The following AGBL4 variants were observed in gnomAD, a reference collection of about 807,000 sequenced individuals.
The protein encoded by AGBL4 is AGBL carboxypeptidase 4.
AGBL4 carries 58 observed loss-of-function variants against 66.4 expected under a neutral mutation model. The ratio of observed to expected loss-of-function variants is 0.87; its 90% CI spans 0.71 to 1.09. The LOEUF is 1.09. Among genes scored for constraint, AGBL4 ranks in the 50% least tolerant of loss-of-function variants. The pLI is 0.00. For missense variants in AGBL4, 579 were observed against 631.0 expected (o/e 0.92, Z 0.88); for synonymous variants, 234 against 222.9 (o/e 1.05, Z -0.44).
chr1:49,912,677 C>T (rs1650975129), intron 1 of AGBL4, among the ~76,000 whole-genome samples: 1 of 152,124 alleles, frequency 6.6e-6, no homozygotes, highest in South Asian at 2.1e-4. Context: ...TAACAGTTTG[C>T]TAAATGTCTT....
chr1:49,364,706 G>A (rs1030844918), intron 3 of AGBL4, among the ~76,000 whole-genome samples: 4 of 152,114 alleles, frequency 2.6e-5, no homozygotes, highest in Non-Finnish European at 4.4e-5. Flanking sequence ...TTGAACTCCT[G>A]GCCTCAAGTG....
chr1:49,180,451 A>G (rs965914341), intron 4 of AGBL4, among the ~76,000 whole-genome samples: 3 of 152,174 alleles, frequency 2.0e-5, no homozygotes, highest in Non-Finnish European at 4.4e-5. Flanking sequence ...TCCAACAACC[A>G]TTTTACAGAT....
chr1:49,595,200 T>TGCATCA (rs1644829244), intron 3 of AGBL4, among the ~76,000 whole-genome samples: 1 of 152,160 alleles, frequency 6.6e-6, no homozygotes, highest in Non-Finnish European at 1.5e-5. Flanking sequence ...GCCATTCTCC[T>TGCATCA]GCATCAGCCT....
chr1:49,642,807 T>C (rs1163423741), intron 3 of AGBL4, among the ~76,000 whole-genome samples: 2 of 152,012 alleles, frequency 1.3e-5, no homozygotes, highest in African/African-American at 4.8e-5. Flanking sequence ...ATAAGAAAGA[T>C]CTGAAAGGAT....
At chr1:48,780,071 A>C (rs1645254788) in intron 6 of AGBL4, among the ~76,000 whole-genome samples, 1 of 151,178 alleles carries the variant, frequency 6.6e-6, no homozygotes, top group Non-Finnish European at 1.5e-5. Flanking sequence ...ATACATGTGC[A>C]AAACATGCAG....
At chr1:49,172,195 C>A (rs1448863012) in intron 4 of AGBL4, among the ~76,000 whole-genome samples, 1 of 152,188 alleles carries the variant, frequency 6.6e-6, no homozygotes, top group Non-Finnish European at 1.5e-5. Context: ...TTCATTAATA[C>A]ACTGAATGTC....
chr1:48,620,461 A>G (rs539982679), intron 9 of AGBL4, among the ~76,000 whole-genome samples: 1 of 151,974 alleles, frequency 6.6e-6, no homozygotes, highest in Admixed American at 6.5e-5. Context: ...TTTTTTGTAG[A>G]GATGGAGGCT....
chr1:49,442,533 A>C (rs1276875782), intron 3 of AGBL4, among the ~76,000 whole-genome samples: 1 of 152,178 alleles, frequency 6.6e-6, no homozygotes. Context: ...GGATTATTTC[A>C]CTTAAGAGAA....
intron 3 of AGBL4, among the ~76,000 whole-genome samples, chr1:49,395,333 T>TA (rs574386701): frequency 6.6e-6 from 1 of 152,056 alleles, no homozygotes; most frequent in Non-Finnish European, 1.5e-5. Context: ...GGGCTTTTTT[T>TA]AAAAAATAAT....
At chr1:49,455,221 G>A (rs2148688587) in intron 3 of AGBL4, among the ~76,000 whole-genome samples, 1 of 151,734 alleles carries the variant, frequency 6.6e-6, no homozygotes, top group South Asian at 2.1e-4. Flanking sequence ...AGAGAGGAGA[G>A]CACAGAATTC....
intron 3 of AGBL4, among the ~76,000 whole-genome samples, chr1:49,397,563 T>C (rs974945791): frequency 2.0e-5 from 3 of 152,088 alleles, no homozygotes; most frequent in African/African-American, 7.2e-5. Context: ...CAGGTAAAAT[T>C]AGTAATCCAG....
intron 6 of AGBL4, among the ~76,000 whole-genome samples, chr1:48,701,513 G>A (rs183690638): frequency 5.3e-5 from 8 of 151,624 alleles, no homozygotes; most frequent in African/African-American, 1.7e-4. Context: ...CCAGGCTGGA[G>A]TGCAGTGGCT....
intron 3 of AGBL4, among the ~76,000 whole-genome samples, chr1:49,284,900 T>G (rs1354266756): frequency 1.3e-5 from 2 of 150,444 alleles, no homozygotes; most frequent in African/African-American, 4.9e-5. Flanking sequence ...ACAAAGAGAC[T>G]TAGACTCCCA....
chr1:48,525,752 C>T, the AGBL4 span, among the ~76,000 whole-genome samples: 1 of 152,288 alleles, frequency 6.6e-6, no homozygotes, highest in Admixed American at 6.5e-5. Flanking sequence ...TTCCTAACGG[C>T]TACATCTTTA....
At chr1:48,581,735 G>A (rs1169130705) in intron 11 of AGBL4, among the ~76,000 whole-genome samples, 1 of 152,222 alleles carries the variant, frequency 6.6e-6, no homozygotes, top group Non-Finnish European at 1.5e-5. Flanking sequence ...TATGCCCGGT[G>A]ATTTATCTGC....
At chr1:49,287,025 A>G (rs1031989835) in intron 3 of AGBL4, among the ~76,000 whole-genome samples, 2 of 151,604 alleles carry the variant, frequency 1.3e-5, no homozygotes, top group African/African-American at 4.8e-5. Flanking sequence ...ATATAGATCA[A>G]TGGAACAGAA....
At chr1:49,122,418 T>G (rs78098730) in intron 4 of AGBL4, among the ~76,000 whole-genome samples, 1 of 152,152 alleles carries the variant, frequency 6.6e-6, no homozygotes, top group Non-Finnish European at 1.5e-5. Flanking sequence ...CTTCCTAAAT[T>G]TGATGAAATG....
At chr1:48,919,996 G>GA (rs1653948440) in intron 5 of AGBL4, among the ~76,000 whole-genome samples, 1 of 152,166 alleles carries the variant, frequency 6.6e-6, no homozygotes, top group South Asian at 2.1e-4. Context: ...TTGTTTGCTA[G>GA]AAAAAGGATG....
At chr1:49,538,642 G>A (rs1393734665) in intron 3 of AGBL4, among the ~76,000 whole-genome samples, 2 of 152,096 alleles carry the variant, frequency 1.3e-5, no homozygotes, top group Non-Finnish European at 2.9e-5. Context: ...CAAAATGAGT[G>A]AAAATCATAA....
Sources: gnomAD v4.1 joint callset for allele counts (sites outside exome capture counted in the v4.1 genomes callset) on GRCh38, gnomAD v4.1.1 for gene constraint, MANE v1.5 for transcripts, NCBI Gene and HGNC (gene_info 2026-07-23, HGNC 2026-07-21) for gene names.